MECOM: variants seen among roughly 807,000 people sequenced by gnomAD.
MECOM encodes histone-lysine N-methyltransferase MECOM.
In MECOM, 13 loss-of-function variants were observed where a neutral mutation model predicts 116.3. The ratio of observed to expected loss-of-function variants is 0.11; its 90% CI spans 0.07 to 0.18. The LOEUF is 0.18. Among genes scored for constraint, MECOM ranks in the 10% least tolerant of loss-of-function variants. MECOM has a pLI of 1.00. For missense variants in MECOM, 1,299 were observed against 1,509.0 expected, an observed-to-expected ratio of 0.86 and a Z score of 2.31; for synonymous variants, 528 against 535.2, an observed-to-expected ratio of 0.99 and a Z score of 0.19.
intron 2 of MECOM, among the ~76,000 whole-genome samples, chr3:169,305,310 T>C (rs1413564070): frequency 6.6e-6 from 1 of 151,598 alleles, no homozygotes; most frequent in Non-Finnish European, 1.5e-5. Context: ...TATAAGGAGG[T>C]GGAAAAGGTA....
At chr3:169,622,251 G>C (rs953323852) in intron 1 of MECOM, among the ~76,000 whole-genome samples, 11 of 152,058 alleles carry the variant, frequency 7.2e-5, no homozygotes, top group African/African-American at 2.7e-4. Context: ...CACCATGCCC[G>C]GCTAATTTTT....
intron 1 of MECOM, among the ~76,000 whole-genome samples, chr3:169,615,330 C>T (rs1475710476): frequency 6.6e-6 from 1 of 152,110 alleles, no homozygotes; most frequent in African/African-American, 2.4e-5. Context: ...CAGAAATGGC[C>T]CTTGATAAAA....
At position 169,593,675 on chromosome 3, in the gene MECOM, A is replaced by G. The variant is rs561580845; in HGVS notation, c.37+69661T>C. On this transcript the variant is annotated intron_variant, in intron 1 of 16. Transcript: ENST00000651503. ...AGCTGAGAACCACTGGCTCTACCCTATATCAAGCTGACAATGAGAAAGATA... is the reference window on the plus strand; with the variant it reads ...AGCTGAGAACCACTGGCTCTACCCTGTATCAAGCTGACAATGAGAAAGATA... Among the ~76,000 whole-genome samples the G allele has an allele frequency of 1.2e-4, 19 of 152,282 alleles. No individual in the cohort carries two copies. The South Asian group carries it at 3.5e-3, about 28-fold the overall frequency.
intron 2 of MECOM, among the ~76,000 whole-genome samples, chr3:169,279,545 A>G (rs1038537579): frequency 1.3e-5 from 2 of 152,230 alleles, no homozygotes; most frequent in African/African-American, 4.8e-5. Flanking sequence ...GGAAACTTCT[A>G]GATTCCTGAT....
intron 7 of MECOM, among the ~76,000 whole-genome samples, chr3:169,117,040 T>TA (rs1301670516): frequency 6.6e-6 from 1 of 152,172 alleles, no homozygotes; most frequent in Non-Finnish European, 1.5e-5. Flanking sequence ...TATGAAAAGT[T>TA]AAATTCCATC....
intron 2 of MECOM, among the ~76,000 whole-genome samples, chr3:169,184,885 G>A (rs775217125): frequency 1.1e-4 from 17 of 152,190 alleles, no homozygotes; most frequent in Non-Finnish European, 1.5e-4. Context: ...TTTGAATTAA[G>A]CAGAATCAAG....
intron 1 of MECOM, among the ~76,000 whole-genome samples, chr3:169,534,760 C>A (rs541117793): frequency 5.9e-5 from 9 of 152,168 alleles, no homozygotes; most frequent in Non-Finnish European, 8.8e-5. Context: ...TCTCCCCATC[C>A]CTATTTTACA....
At chr3:169,313,702 T>A (rs1343842810) in intron 2 of MECOM, among the ~76,000 whole-genome samples, 1 of 152,012 alleles carries the variant, frequency 6.6e-6, no homozygotes, top group Non-Finnish European at 1.5e-5. Flanking sequence ...CAGCTGACAG[T>A]GAAGAGGGGA....
chr3:169,517,489 T>C (rs1756780793), intron 1 of MECOM, among the ~76,000 whole-genome samples: 1 of 152,234 alleles, frequency 6.6e-6, no homozygotes, highest in South Asian at 2.1e-4. Context: ...ATTGCTAGCT[T>C]GTCCTATAAG....
chr3:169,603,495 G>T (rs1305728792), intron 1 of MECOM, among the ~76,000 whole-genome samples: 1 of 152,172 alleles, frequency 6.6e-6, no homozygotes, highest in Non-Finnish European at 1.5e-5. Context: ...AAAGTCTGCA[G>T]CAGTGTACTG....
chr3:169,662,257 G>A (rs371575830), intron 1 of MECOM, among the ~76,000 whole-genome samples: 3 of 152,210 alleles, frequency 2.0e-5, no homozygotes, highest in East Asian at 1.9e-4. Context: ...CGCCGGGGAG[G>A]GTTATTGACC....
chr3:169,441,237 T>A (rs58495442), intron 1 of MECOM, among the ~76,000 whole-genome samples: 1,940 of 152,192 alleles, frequency 0.013, 41 homozygotes, highest in African/African-American at 0.044. Context: ...AGAACCTTCA[T>A]CTCTAAAGCA....
chr3:169,631,601 T>TCCCTCCC lies in MECOM; in HGVS notation c.37+31728_37+31734dup, dbSNP rs1345550607. On this transcript the variant is annotated intron_variant, in intron 1 of 16. Coordinates refer to ENST00000651503, the MANE Select transcript of MECOM (RefSeq NM_004991.4). ...GCATTAGGTATATCTCCTAAAGCTA[T>TCCCTCCC]CCCTCCCCCCTCCCCCCACCCCACA... Among the ~76,000 whole-genome samples, 926 of 108,854 alleles carry TCCCTCCC rather than the reference T, an allele frequency of 8.5e-3. 14 individuals are homozygous for TCCCTCCC. The highest frequency in any genetic ancestry group is 0.033 in the African/African-American group (882 of 26,762). The allele number at this position is 108,854 out of a possible 152,430, so 71.4% of individuals were successfully genotyped here. A position where few individuals can be genotyped will look rare whatever the true frequency, so the allele number is the denominator to read the frequency against.
chr3:169,254,017 A>G (rs1297899037), intron 2 of MECOM, among the ~76,000 whole-genome samples: 1 of 152,106 alleles, frequency 6.6e-6, no homozygotes, highest in Non-Finnish European at 1.5e-5. Flanking sequence ...AACCACTTGT[A>G]TTAGTTATTT....
At chr3:169,377,782 G>A (rs1357583716) in intron 2 of MECOM, among the ~76,000 whole-genome samples, 2 of 152,076 alleles carry the variant, frequency 1.3e-5, no homozygotes, top group Admixed American at 6.6e-5. Context: ...CAAGTATCTA[G>A]AACCAGAAAT....
intron 1 of MECOM, among the ~76,000 whole-genome samples, chr3:169,500,844 T>C (rs997773255): frequency 6.6e-6 from 1 of 151,948 alleles, no homozygotes; most frequent in African/African-American, 2.4e-5. Flanking sequence ...CAGGGCTAAA[T>C]CTGATTATAT....
In MECOM at chr3:169,507,650, C is replaced by CTTTTT. The variant is rs1165167849; in HGVS notation, c.38-126131_38-126127dup. Among the ~76,000 whole-genome samples the CTTTTT allele has an allele frequency of 2.0e-3, 112 of 57,144 alleles. 14 individuals are homozygous for CTTTTT. Among genetic ancestry groups the CTTTTT allele is most frequent in the African/African-American group, 4.8e-3 (59 of 12,234 alleles). 37.5% of individuals were successfully genotyped at this position (57,144 alleles called of 152,430 possible). A position where few individuals can be genotyped will look rare whatever the true frequency, so the allele number is the denominator to read the frequency against. ...CAATTTTGGTTTAAATCCCCACTTG[C>CTTTTT]TTTTTTTTTTTTTTTTTTTTTTTTT... On this transcript the variant is annotated intron_variant, in intron 1 of 16. Coordinates refer to ENST00000651503, the MANE Select transcript of MECOM (RefSeq NM_004991.4).
chr3:169,149,072 GCTTT>G, intron 2 of MECOM, among the ~76,000 whole-genome samples: 1 of 143,462 alleles, frequency 7.0e-6, no homozygotes, highest in Middle Eastern at 3.5e-3. Flanking sequence ...CATTGTCGGA[GCTTT>G]CTTTTTTTTT....
intron 2 of MECOM, chr3:169,269,053 G>A (rs1482473049): frequency 6.6e-6 from 1 of 151,926 alleles, no homozygotes; most frequent in Non-Finnish European, 1.5e-5. Flanking sequence ...AGCACCTTAT[G>A]AGAACTAGTT....
Sources: gnomAD v4.1 joint callset for allele counts (sites outside exome capture counted in the v4.1 genomes callset) on GRCh38, gnomAD v4.1.1 for gene constraint, MANE v1.5 for transcripts, NCBI Gene and HGNC (gene_info 2026-07-23, HGNC 2026-07-21) for gene names.